FGGY: variants seen among roughly 807,000 people sequenced by gnomAD.
FGGY encodes the protein FGGY carbohydrate kinase domain containing.
A neutral mutation model predicts 71.3 loss-of-function variants in FGGY; 72 were observed. That is an observed-to-expected ratio of 1.01 (90% CI 0.84 to 1.23). FGGY has a LOEUF of 1.23. Ranked by LOEUF, FGGY falls within the 50% of genes most tolerant of loss-of-function variation. FGGY has a pLI of 0.00. For missense variants in FGGY, 668 were observed against 682.3 expected (o/e 0.98, Z 0.23); for synonymous variants, 251 against 250.3 (o/e 1.00, Z -0.02).
At chr1:59,746,959 A>G (rs1235946006) in intron 14 of FGGY, among the ~76,000 whole-genome samples, 1 of 152,240 alleles carries the variant, frequency 6.6e-6, no homozygotes, top group African/African-American at 2.4e-5. Context: ...TGGGAATACA[A>G]ACTAGGTAAC....
chr1:59,742,494 A>G (rs2098159565), intron 14 of FGGY, among the ~76,000 whole-genome samples: 1 of 152,148 alleles, frequency 6.6e-6, no homozygotes, highest in Non-Finnish European at 1.5e-5. Flanking sequence ...CCTCTCCCCA[A>G]TATTATATGG....
In FGGY at chr1:59,300,197, A is replaced by G. The variant is rs961489416; in HGVS notation, c.-15+3047A>G. Among the ~76,000 whole-genome samples the G allele has an allele frequency of 2.6e-5, 4 of 152,204 alleles. No individual in the cohort carries two copies. The East Asian group carries it at 5.8e-4, about 22-fold the overall frequency. On this transcript the variant is annotated intron_variant, in intron 1 of 15. Coordinates refer to ENST00000303721, the MANE Select transcript of FGGY (RefSeq NM_018291.5). ...ATTGGAGAAGTTTTGTTATATGCAT[A>G]TATCTATGAAAACCATCATGACCAT...
chr1:59,703,541 T>C (rs567568755), intron 14 of FGGY, among the ~76,000 whole-genome samples: 2 of 152,262 alleles, frequency 1.3e-5, no homozygotes, highest in East Asian at 3.9e-4. Flanking sequence ...AAGGCTGCCA[T>C]TGCACAGTTT....
intron 6 of FGGY, among the ~76,000 whole-genome samples, chr1:59,485,364 C>T (rs866195404): frequency 6.6e-6 from 1 of 152,156 alleles, no homozygotes; most frequent in Non-Finnish European, 1.5e-5. Flanking sequence ...ATTCCTGAGA[C>T]GTCTCCTTTA....
chr1:59,432,343 A>T (rs1352101603), intron 5 of FGGY, among the ~76,000 whole-genome samples: 6 of 152,212 alleles, frequency 3.9e-5, no homozygotes, highest in Non-Finnish European at 5.9e-5. Context: ...CAAACCTGAA[A>T]AAAGGGGGTT....
chr1:59,517,929 A>T (rs1467064907), intron 7 of FGGY, among the ~76,000 whole-genome samples: 1 of 152,212 alleles, frequency 6.6e-6, no homozygotes, highest in Admixed American at 6.5e-5. Flanking sequence ...CAGGAGCAAA[A>T]GTTTGGGTTC....
intron 4 of FGGY, among the ~76,000 whole-genome samples, chr1:59,351,031 A>G (rs564022093): frequency 4.8e-4 from 73 of 152,354 alleles, no homozygotes; most frequent in Non-Finnish European, 8.8e-4. Flanking sequence ...AAATGGTTTT[A>G]CATTTTCAAG....
chr1:59,679,571 A>G (rs1206203225), intron 14 of FGGY, among the ~76,000 whole-genome samples: 1 of 152,108 alleles, frequency 6.6e-6, no homozygotes, highest in East Asian at 1.9e-4. Context: ...ATGAGTGAAA[A>G]TATGAAAACA....
chr1:59,534,133 T>TA (rs1376264121), intron 7 of FGGY, among the ~76,000 whole-genome samples: 1 of 151,930 alleles, frequency 6.6e-6, no homozygotes, highest in Non-Finnish European at 1.5e-5. Flanking sequence ...GAGAAGTGCT[T>TA]AAAGGAGCTG....
At chr1:59,378,719 A>G (rs2058982824) in intron 4 of FGGY, 30 bp from the exon 5 acceptor site, 1 of 1,595,026 alleles carries the variant, frequency 6.3e-7, no homozygotes. Flanking sequence ...AAACCCCCTA[A>G]TTGATTCTAA....
In FGGY at chr1:59,615,380, A is replaced by G. The variant is rs574266625; in HGVS notation, c.1011+7470A>G. 2.6e-5 allele frequency among the ~76,000 whole-genome samples: 4 copies of G among 152,338 alleles called. No homozygotes were observed. In the South Asian group the frequency reaches 8.3e-4, roughly 32 times the overall value. On this transcript the variant is annotated intron_variant, in intron 9 of 15. Coordinates refer to ENST00000303721, the MANE Select transcript of FGGY (RefSeq NM_018291.5). ...AACTATCTGATTTTTGACAAATCTGACAAAAGCAATGGGGAAAGGATTCCC... is the reference window on the plus strand; with the variant it reads ...AACTATCTGATTTTTGACAAATCTGGCAAAAGCAATGGGGAAAGGATTCCC...
intron 5 of FGGY, among the ~76,000 whole-genome samples, chr1:59,440,321 G>C (rs546091228): frequency 1.3e-5 from 2 of 152,188 alleles, no homozygotes; most frequent in Non-Finnish European, 2.9e-5. Flanking sequence ...AAATTAAAGA[G>C]GATAGCAAGC....
intron 9 of FGGY, among the ~76,000 whole-genome samples, chr1:59,620,163 C>G: frequency 6.6e-6 from 1 of 151,826 alleles, no homozygotes; most frequent in East Asian, 1.9e-4. Context: ...CATTATCTTC[C>G]TTCATCTTAG....
At chr1:59,378,661 T>A in intron 4 of FGGY, 88 bp from the exon 5 acceptor site, 2 of 1,220,844 alleles carry the variant, frequency 1.6e-6, no homozygotes, top group Non-Finnish European at 2.4e-6. Flanking sequence ...TTGGCTATGC[T>A]TTTGTTTTGA....
In FGGY at chr1:59,657,899, T is replaced by C. The variant is rs144278592; in HGVS notation, c.1222-2320T>C. The stretch of plus-strand genomic sequence containing the variant: ...AGTGTTCTTCCAGTGTTCTTTTCTC[T>C]TGGGGCATGGTCTCCTCCTCTCTGA... On this transcript the variant is annotated intron_variant, in intron 11 of 15. Transcript: ENST00000303721. Among the ~76,000 whole-genome samples the C allele has an allele frequency of 5.5e-4, 84 of 152,314 alleles. 1 individual carries two copies. Among genetic ancestry groups the C allele is most frequent in the African/African-American group, 1.9e-3 (81 of 41,572 alleles).
At chr1:59,349,125 C>T (rs2052727627) in intron 4 of FGGY, among the ~76,000 whole-genome samples, 2 of 152,102 alleles carry the variant, frequency 1.3e-5, no homozygotes, top group Admixed American at 1.3e-4. Flanking sequence ...GGAAACTGAT[C>T]CTAAGGAGGT....
At chr1:59,518,214 C>T (rs1478777673) in intron 7 of FGGY, among the ~76,000 whole-genome samples, 1 of 152,064 alleles carries the variant, frequency 6.6e-6, no homozygotes, top group African/African-American at 2.4e-5. Context: ...GCAAAAAGGG[C>T]CTTTGGTTCA....
At chr1:59,307,437 G>C (rs2043616309) in intron 1 of FGGY, among the ~76,000 whole-genome samples, 1 of 152,052 alleles carries the variant, frequency 6.6e-6, no homozygotes, top group African/African-American at 2.4e-5. Context: ...CTATTGTTAG[G>C]ATCTTTAAAA....
chr1:59,516,063 T>C (rs756456786), intron 7 of FGGY, among the ~76,000 whole-genome samples: 6 of 149,768 alleles, frequency 4.0e-5, no homozygotes, highest in Non-Finnish European at 2.9e-5. Context: ...TTAATATATG[T>C]TGACTATGTT....
Sources: allele counts gnomAD v4.1 joint callset (sites outside exome capture counted in the v4.1 genomes callset), GRCh38; gene constraint gnomAD v4.1.1; transcripts MANE v1.5; gene names NCBI Gene and HGNC (gene_info 2026-07-23, HGNC 2026-07-21).